The following ERI1 variants were observed in gnomAD, a reference collection of about 807,000 sequenced individuals.
The protein encoded by ERI1 is 3'-5' exoribonuclease 1.
A neutral mutation model predicts 39.7 loss-of-function variants in ERI1; 39 were observed. The observed-to-expected ratio is 0.98, with a 90% CI of 0.76 to 1.28. ERI1 has a LOEUF of 1.28. ERI1 is among the 50% of genes most tolerant of loss of function. The pLI is 0.00. For missense variants in ERI1, 581 were observed against 416.9 expected, an observed-to-expected ratio of 1.39 and a Z score of -3.43; for synonymous variants, 204 against 149.6, an observed-to-expected ratio of 1.36 and a Z score of -2.65.
chr8:9,054,555 A>G (rs1234601197), intron 3 of ERI1, among the ~76,000 whole-genome samples: 5 of 152,252 alleles, frequency 3.3e-5, no homozygotes, highest in African/African-American at 1.2e-4. Context: ...AGGAGGCTTC[A>G]GGATAAAGAC....
chr8:9,008,214 A>T (rs1223841014), intron 2 of ERI1, 66 bp downstream of exon 2: 10 of 1,286,686 alleles, frequency 7.8e-6, no homozygotes, highest in Non-Finnish European at 9.5e-6. Context: ...TCTTGAAAAC[A>T]TTGAAATATT....
chr8:9,066,625 A>T (rs1264860178), intron 3 of ERI1, among the ~76,000 whole-genome samples: 1 of 152,212 alleles, frequency 6.6e-6, no homozygotes, highest in African/African-American at 2.4e-5. Context: ...TTATTCAAGG[A>T]ATGTTCAGTT....
At chr8:9,043,151 A>G (rs758806866) in intron 3 of ERI1, among the ~76,000 whole-genome samples, 6 of 152,350 alleles carry the variant, frequency 3.9e-5, no homozygotes, top group Non-Finnish European at 7.4e-5. Flanking sequence ...TTAAGGTGTT[A>G]TTCTACTTCT....
At chr8:9,084,721 T>A (rs9657508) in intron 3 of ERI1, among the ~76,000 whole-genome samples, 57,986 of 151,934 alleles carry the variant, frequency 0.38, 12,075 homozygotes, top group African/African-American at 0.53. Context: ...AAGGAGTTTG[T>A]GAGTACCCTA....
chr8:9,054,024 G>T (rs1190449482), intron 3 of ERI1, among the ~76,000 whole-genome samples: 1 of 150,032 alleles, frequency 6.7e-6, no homozygotes, highest in South Asian at 2.1e-4. Flanking sequence ...AAGTTCTAAG[G>T]CCTGATAGGC....
chr8:9,014,678 G>T (rs1817039689), intron 3 of ERI1, among the ~76,000 whole-genome samples: 1 of 152,154 alleles, frequency 6.6e-6, no homozygotes, highest in Non-Finnish European at 1.5e-5. Context: ...TATAAGGGAA[G>T]TTGCAATATA....
At chr8:9,096,636 G>C (rs899036956) in intron 3 of ERI1, 3 of 149,276 alleles carry the variant, frequency 2.0e-5, no homozygotes, top group Non-Finnish European at 4.5e-5. Flanking sequence ...GGCATGCTTT[G>C]AGAAGAGGCC....
At chr8:9,093,504 T>TAAA (rs1040785856) in intron 3 of ERI1, among the ~76,000 whole-genome samples, 7 of 124,828 alleles carry the variant, frequency 5.6e-5, no homozygotes, top group African/African-American at 1.4e-4. Context: ...ACCTTGTCTC[T>TAAA]AAAAAAAAAA....
rs753747657 is a variant in ERI1, at chr8:9,032,791, C to CAAGAT, written c.*2760_*2764dup. The CAAGAT allele has an allele frequency of 3.3e-5, 5 of 152,088 alleles. No individual in the cohort carries two copies. The highest frequency in any genetic ancestry group is 7.4e-5 in the Non-Finnish European group (5 of 68,024). 9.4% of individuals were successfully genotyped at this position (152,088 alleles called of 1,614,324 possible). A position where few individuals can be genotyped will look rare whatever the true frequency, so the allele number is the denominator to read the frequency against. On this transcript the variant is annotated 3_prime_UTR_variant, in exon 7 of 7. Transcript: ENST00000250263. ...GGGGAGGGGAAGAAGCACAGGTGGT[C>CAAGAT]AAGATAATAATGCATGTTTGGCCTC...
In ERI1 at chr8:9,030,864, A is replaced by G. The variant is rs1797539380; in HGVS notation, c.*830A>G. The G allele has an allele frequency of 6.6e-6, 1 of 152,190 alleles. No homozygotes were observed. The highest frequency in any genetic ancestry group is 6.5e-5 in the Admixed American group (1 of 15,290). 9.4% of individuals were successfully genotyped at this position (152,190 alleles called of 1,614,324 possible). ...CACCACCTAATTTTACTTTGTATTC[A>G]GTATCGTAAGTGAGGTTAATAAAGT... On this transcript the variant is annotated 3_prime_UTR_variant, in exon 7 of 7. Transcript: ENST00000250263.
chr8:9,072,125 A>G (rs1031589680), intron 3 of ERI1, among the ~76,000 whole-genome samples: 10 of 152,198 alleles, frequency 6.6e-5, no homozygotes, highest in African/African-American at 2.4e-4. Flanking sequence ...GAAATGAAAT[A>G]CAGAATACCA....
intron 3 of ERI1, among the ~76,000 whole-genome samples, chr8:9,099,598 C>CAA (rs752054721): frequency 0.037 from 3,302 of 90,080 alleles, 100 homozygotes; most frequent in African/African-American, 0.12. Context: ...CTCTCTCTCT[C>CAA]AAAAAAAAAA....
At chr8:9,070,102 G>A (rs985572623) in intron 3 of ERI1, among the ~76,000 whole-genome samples, 3 of 152,034 alleles carry the variant, frequency 2.0e-5, no homozygotes, top group South Asian at 4.2e-4. Context: ...AGCTGGGCTT[G>A]GTGGCAGGCA....
chr8:9,013,010 G>A (rs1816830084), intron 3 of ERI1, among the ~76,000 whole-genome samples: 1 of 144,712 alleles, frequency 6.9e-6, no homozygotes. Context: ...TGGCAAAATT[G>A]ACCATTCTCA....
chr8:9,015,337 G>A (rs1817121001), intron 3 of ERI1, among the ~76,000 whole-genome samples: 1 of 152,080 alleles, frequency 6.6e-6, no homozygotes, highest in African/African-American at 2.4e-5. Context: ...AACAGTTGCT[G>A]CCTTTAAATC....
At chr8:9,056,897 G>T (rs1447847884) in intron 3 of ERI1, among the ~76,000 whole-genome samples, 1 of 151,068 alleles carries the variant, frequency 6.6e-6, no homozygotes, top group Admixed American at 6.6e-5. Flanking sequence ...GCAGTGGCAA[G>T]ATCTCGTCTC....
At chr8:9,037,242 A>G (rs10217044), downstream of ERI1, among the ~76,000 whole-genome samples, 71,079 of 152,050 alleles carry the variant, frequency 0.47, 18,197 homozygotes, top group African/African-American at 0.63. Context: ...CATCTGCTCT[A>G]GGGTAATAGT....
At chr8:9,033,587 A>G (rs190458689), downstream of ERI1, among the ~76,000 whole-genome samples, 2 of 152,146 alleles carry the variant, frequency 1.3e-5, no homozygotes, top group African/African-American at 4.8e-5. Context: ...TGATACTTGC[A>G]TCAGACATTT....
intron 3 of ERI1, among the ~76,000 whole-genome samples, chr8:9,067,676 C>G (rs966116616): frequency 1.4e-5 from 2 of 145,356 alleles, no homozygotes; most frequent in African/African-American, 2.5e-5. Flanking sequence ...AAAAAGGTGA[C>G]AAGACCTTCC....
Sources: gnomAD v4.1 joint callset for allele counts (sites outside exome capture counted in the v4.1 genomes callset) on GRCh38, gnomAD v4.1.1 for gene constraint, MANE v1.5 for transcripts, NCBI Gene and HGNC (gene_info 2026-07-23, HGNC 2026-07-21) for gene names.